PTPRN: variants seen among roughly 807,000 people sequenced by gnomAD.
PTPRN encodes the protein protein tyrosine phosphatase receptor type N.
PTPRN carries 70 observed loss-of-function variants against 108.5 expected under a neutral mutation model. The ratio of observed to expected loss-of-function variants is 0.65; its 90% CI spans 0.53 to 0.79. The LOEUF (loss-of-function observed/expected upper bound fraction) is 0.79. Ranked by LOEUF, PTPRN falls within the 30% of genes least tolerant of loss-of-function variation. The pLI is 0.00. For synonymous variants in PTPRN, 496 were observed against 524.6 expected (o/e 0.95, Z 0.75); for missense variants, 1,136 against 1,295.5 (o/e 0.88, Z 1.89).
chr2:219,291,696 G>A, intron 19 of PTPRN, 173 bp from the exon 20 acceptor site: 1 of 685,276 alleles, frequency 1.5e-6, no homozygotes, highest in Non-Finnish European at 2.5e-6. Context: ...CAGAGCTGGT[G>A]TGGGTGGCAT....
At chr2:219,300,536 G>A (rs1952320170) in intron 8 of PTPRN, 2 of 475,544 alleles carry the variant, frequency 4.2e-6, no homozygotes, top group Non-Finnish European at 3.7e-6. Context: ...GCTGGGGTGA[G>A]GGTAAAAGAC....
chr2:219,296,620 C>A lies in PTPRN; in HGVS notation c.2311-104G>T. On this transcript the variant is annotated intron_variant, in intron 16 of 22. Coordinates refer to ENST00000295718, the MANE Select transcript of PTPRN (RefSeq NM_002846.4). This position sits in a 1 kb window ranked among gnomAD's most constrained non-coding sequence, Gnocchi z 6.0. ...GGGTCTGAGAAGGCTGGCAGTTCCCCCTTGCTAGGATATCAGGCCCCACCA... is the reference window on the plus strand; with the variant it reads ...GGGTCTGAGAAGGCTGGCAGTTCCCACTTGCTAGGATATCAGGCCCCACCA... The A allele has an allele frequency of 6.4e-7, 1 of 1,562,464 alleles. No individual in the cohort carries two copies.
In PTPRN at chr2:219,295,016, C is replaced by T. The variant is rs1340678723; in HGVS notation, c.2634G>A (p.Glu878=). 12 of 1,609,678 alleles carry T rather than the reference C, an allele frequency of 7.5e-6. No homozygotes were observed. The highest frequency in any genetic ancestry group is 1.7e-5 in the Admixed American group (1 of 59,620). The change falls in exon 19 of 23, where the codon GAG becomes GAA. Residue 878 remains glutamate (E), a synonymous_variant. Coordinates refer to ENST00000295718, the MANE Select transcript of PTPRN (RefSeq NM_002846.4). ...TQFHFLSWPA[E]GTPASTRPLL... ...GGGGCCGCGTGGAGGCCGGTGTGCC[C>T]TCTGCCGGCCAGCTGAGGAAGTGGA...
At chr2:219,301,206 A>C (rs1257636135) in intron 7 of PTPRN, among the ~76,000 whole-genome samples, 1 of 152,144 alleles carries the variant, frequency 6.6e-6, no homozygotes, top group African/African-American at 2.4e-5. Context: ...ACCATTGGCC[A>C]TCTCTCTCAA....
chr2:219,290,454 C>A lies in PTPRN; in HGVS notation c.2868+84G>T. The A allele has an allele frequency of 7.0e-7, 1 of 1,435,412 alleles. No individual in the cohort carries two copies. The highest frequency in any genetic ancestry group is 9.6e-7 in the Non-Finnish European group (1 of 1,044,498). 88.9% of individuals were successfully genotyped at this position (1,435,412 alleles called of 1,614,324 possible). ...CGCAGAAGCAGGTGGGAAAGGTTGG[C>A]AGCTGCTGCTTTCCCTGGGGTGGCC... On this transcript the variant is annotated intron_variant, in intron 22 of 22. Transcript: ENST00000295718. The surrounding 1 kb of genome is among the most constrained non-coding windows in gnomAD (Gnocchi z 4.2).
In PTPRN at chr2:219,300,141, G is replaced by A. The variant is rs1226163864; in HGVS notation, c.1280C>T (p.Pro427Leu). 2 of 1,613,948 alleles carry A rather than the reference G, an allele frequency of 1.2e-6. No individual in the cohort carries two copies. The highest frequency in any genetic ancestry group is 2.7e-5 in the African/African-American group (2 of 74,942). The change falls in exon 9 of 23, where the codon CCT (proline) becomes CTT (leucine). Residue 427 changes from proline (P) to leucine (L), a missense_variant. Transcript: ENST00000295718. ...TSSEVQQVPS[P>L]VSSEPPKAAR... ...AGCTTTGGGAGGCTCAGAGGAGACAGGGCTTGGCACCTGCTGGACTTCACT... is the reference window on the plus strand; with the variant it reads ...AGCTTTGGGAGGCTCAGAGGAGACAAGGCTTGGCACCTGCTGGACTTCACT...
At chr2:219,304,554 C>G (rs950153282) in intron 3 of PTPRN, among the ~76,000 whole-genome samples, 1 of 151,056 alleles carries the variant, frequency 6.6e-6, no homozygotes, top group African/African-American at 2.5e-5. Flanking sequence ...TCCCACTTTT[C>G]ACCCTCATTT....
chr2:219,306,598 T>A (rs901298808), intron 3 of PTPRN, among the ~76,000 whole-genome samples: 1 of 152,200 alleles, frequency 6.6e-6, no homozygotes, highest in African/African-American at 2.4e-5. Context: ...GTAAAGCTAA[T>A]GTCCATACAT....
chr2:219,308,012 A>G, intron 1 of PTPRN, 170 bp from the exon 2 acceptor site: 1 of 639,214 alleles, frequency 1.6e-6, no homozygotes, highest in Non-Finnish European at 2.8e-6. Context: ...AAAAGGAAGC[A>G]TGGGATCTTG....
In PTPRN at chr2:219,297,958, C is replaced by T. The variant is rs766673317; in HGVS notation, c.1814G>A (p.Arg605Gln). Residue 605 changes from arginine to glutamine, a missense_variant, in exon 13 of 23, where the codon CGG becomes CAG. Physicochemically the swap from Arg to Gln is conservative, Grantham distance 43. Coordinates refer to ENST00000295718, the MANE Select transcript of PTPRN (RefSeq NM_002846.4). This position sits in a 1 kb window ranked among gnomAD's most constrained non-coding sequence, Gnocchi z 6.0. Reference protein sequence around the residue: ...AVALCVRQHARQQDKERLAAL... With the variant: ...AVALCVRQHAQQQDKERLAAL... ...TGCCAGGCGCTCCTTGTCTTGCTGC[C>T]GCGCATGCTGCCGCACACACAGAGC... 1.1e-5 allele frequency: 17 copies of T among 1,613,578 alleles called. No individual in the cohort carries two copies. Among genetic ancestry groups the T allele is most frequent in the Non-Finnish European group, 1.3e-5 (15 of 1,179,988 alleles).
chr2:219,296,531 G>C lies in PTPRN; in HGVS notation c.2311-15C>G. On this transcript the variant is annotated splice_polypyrimidine_tract_variant and intron_variant, in intron 16 of 22. Transcript: ENST00000295718. This position sits in a 1 kb window ranked among gnomAD's most constrained non-coding sequence, Gnocchi z 6.0. Reference sequence around the variant, plus strand: ...TCATGCTCAATCTGGAGGCAGGGAAGATACACCATGAGCCAGTGTGGGAAA... The same window carrying C: ...TCATGCTCAATCTGGAGGCAGGGAACATACACCATGAGCCAGTGTGGGAAA... 6.2e-7 allele frequency: 1 copy of C among 1,613,742 alleles called. No individual in the cohort carries two copies. Among genetic ancestry groups the C allele is most frequent in the Non-Finnish European group, 8.5e-7 (1 of 1,179,868 alleles).
At position 219,296,194 on chromosome 2, in the gene PTPRN, C is replaced by A; in HGVS notation, c.2508+32G>T. On this transcript the variant is annotated intron_variant, in intron 18 of 22. Transcript: ENST00000295718. The surrounding 1 kb of genome is among the most constrained non-coding windows in gnomAD (Gnocchi z 6.0). ...AGGCCATCATCTACTCTTCCCACAT[C>A]CATTGTCCCCTTGCTGTGGGGCCCT... 6.2e-7 allele frequency: 1 copy of A among 1,612,934 alleles called. No individual in the cohort carries two copies. The highest frequency in any genetic ancestry group is 8.5e-7 in the Non-Finnish European group (1 of 1,178,952).
intron 12 of PTPRN, 40 bp downstream of exon 12, chr2:219,299,007 C>T (rs2125093523): frequency 6.2e-7 from 1 of 1,609,316 alleles, no homozygotes; most frequent in African/African-American, 1.3e-5. Flanking sequence ...ACAACATCAG[C>T]CCTCTGGGGA....
rs779952994 is a variant in PTPRN at position 219,298,102 on chromosome 2, C to T, written c.1670G>A (p.Arg557Lys). The T allele has an allele frequency of 4.3e-6, 7 of 1,611,704 alleles. No homozygotes were observed. The highest frequency in any genetic ancestry group is 1.7e-5 in the Admixed American group (1 of 59,996). ...GGGAAGGACTGCAGCTGCCTCCTCC[C>T]TCTGTGGGAACAAGGCTAGAATCAA... is the stretch of plus-strand genomic sequence containing the variant. The part of the protein sequence containing the change: ...LQILQTGVGQ[R>K]EEAAAVLPQT... Residue 557 changes from arginine (R) to lysine (K), a missense_variant and splice_region_variant, in exon 13 of 23, where the codon AGG (arginine) becomes AAG (lysine). Physicochemically the swap from Arg to Lys is conservative, Grantham distance 26. Transcript: ENST00000295718.
At chr2:219,306,437 A>G (rs971388067) in intron 3 of PTPRN, among the ~76,000 whole-genome samples, 1 of 152,160 alleles carries the variant, frequency 6.6e-6, no homozygotes, top group Non-Finnish European at 1.5e-5. Flanking sequence ...AGAGCAACCT[A>G]TTGTGGTGGT....
chr2:219,299,015 G>C, intron 12 of PTPRN, 32 bp downstream of exon 12: 1 of 1,612,406 alleles, frequency 6.2e-7, no homozygotes, highest in Non-Finnish European at 8.5e-7. Context: ...AGCCCTCTGG[G>C]GACTTGGACT....
Position 219,298,479 on chromosome 2 carries a change from C to T in PTPRN, c.1669-376G>A, listed in dbSNP as rs538046663. 1.1e-4 allele frequency among the ~76,000 whole-genome samples: 16 copies of T among 152,144 alleles called. No homozygotes were observed. The South Asian group carries it at 2.3e-3, about 22-fold the overall frequency. ...AGCACTTTGGGGGGCCAAAGGTTGG[C>T]GGATCACCTGAGATCGGGAGTTCGA... is the stretch of plus-strand genomic sequence containing the variant. On this transcript the variant is annotated intron_variant, in intron 12 of 22. Coordinates refer to ENST00000295718, the MANE Select transcript of PTPRN (RefSeq NM_002846.4).
chr2:219,294,873 C>G, intron 19 of PTPRN, 102 bp downstream of exon 19: 2 of 1,225,140 alleles, frequency 1.6e-6, no homozygotes, highest in African/African-American at 1.6e-5. Flanking sequence ...AGTCAGAGGC[C>G]GAGGCTCCAG....
chr2:219,303,284 T>C (rs539952994), intron 4 of PTPRN, among the ~76,000 whole-genome samples: 51 of 152,328 alleles, frequency 3.3e-4, no homozygotes, highest in Non-Finnish European at 5.7e-4. Flanking sequence ...ATCTTCATCC[T>C]GGTATCATCA....
Sources: gnomAD v4.1 joint callset for allele counts (sites outside exome capture counted in the v4.1 genomes callset) on GRCh38, gnomAD v4.1.1 for gene constraint, Gnocchi (gnomAD v3.1) non-coding constraint, MANE v1.5 for transcripts, NCBI Gene and HGNC (gene_info 2026-07-23, HGNC 2026-07-21) for gene names.